Variants in MYRIP observed in about 807,000 individuals in gnomAD.
MYRIP encodes rab effector MyRIP.
A neutral mutation model predicts 98.0 loss-of-function variants in MYRIP; 49 were observed. The observed-to-expected ratio is 0.50, with a 90% CI of 0.40 to 0.63. MYRIP has a LOEUF of 0.63. Among genes scored for constraint, MYRIP ranks in the 30% least tolerant of loss-of-function variants. The pLI, the probability that MYRIP is intolerant of heterozygous loss-of-function variation, is 0.00. For synonymous variants in MYRIP, 404 were observed against 409.5 expected, an observed-to-expected ratio of 0.99 and a Z score of 0.16; for missense variants, 1,004 against 1,058.2, an observed-to-expected ratio of 0.95 and a Z score of 0.71.
chr3:39,981,063 A>G (rs1179019523), intron 2 of MYRIP, among the ~76,000 whole-genome samples: 3 of 152,214 alleles, frequency 2.0e-5, no homozygotes, highest in Admixed American at 2.0e-4. Flanking sequence ...TATATATTTT[A>G]CCACGATTAA....
At chr3:39,903,880 A>G (rs1943809574) in intron 2 of MYRIP, among the ~76,000 whole-genome samples, 1 of 152,202 alleles carries the variant, frequency 6.6e-6, no homozygotes, top group Non-Finnish European at 1.5e-5. Context: ...CCCTCCTTAA[A>G]ATAATTCCTT....
intron 2 of MYRIP, among the ~76,000 whole-genome samples, chr3:39,977,054 T>C (rs1945771473): frequency 8.2e-6 from 1 of 122,414 alleles, no homozygotes; most frequent in Non-Finnish European, 1.6e-5. Context: ...AAAAAAAAAT[T>C]ATTCTGTGTG....
At chr3:39,934,515 A>G (rs774737354) in intron 2 of MYRIP, among the ~76,000 whole-genome samples, 3 of 152,088 alleles carry the variant, frequency 2.0e-5, no homozygotes, top group Admixed American at 6.6e-5. Flanking sequence ...CAGAACAGGC[A>G]AGAGCAACCA....
rs952106696 is a variant in MYRIP, at chr3:40,056,489, G to GT, written c.332+12222dup. Reference sequence around the variant, plus strand: ...ATACCACAGTTTCTCGAGGCTTATGGTTTTCTTTTCTGGATAAACATGGCT... The same window carrying GT: ...ATACCACAGTTTCTCGAGGCTTATGGTTTTTCTTTTCTGGATAAACATGGCT... On this transcript the variant is annotated intron_variant, in intron 3 of 16. Transcript: ENST00000302541. 6.6e-4 allele frequency among the ~76,000 whole-genome samples: 100 copies of GT among 152,232 alleles called. No individual in the cohort carries two copies. In the Middle Eastern group the frequency reaches 0.01, roughly 16 times the overall value.
Position 39,836,651 on chromosome 3 carries a change from G to T in MYRIP, c.-31+26735G>T, listed in dbSNP as rs543868577. On this transcript the variant is annotated intron_variant, in intron 1 of 16. Coordinates refer to ENST00000302541, the MANE Select transcript of MYRIP (RefSeq NM_015460.4). ...CACTGGCACACAGATATTCTGCTTT[G>T]CCAGTCCAGCTGAGGGTCTGAGGCC... is the stretch of plus-strand genomic sequence containing the variant. Among the ~76,000 whole-genome samples, 37 of 152,296 alleles carry T rather than the reference G, an allele frequency of 2.4e-4. 1 individual carries two copies. The highest frequency in any genetic ancestry group is 8.9e-4 in the African/African-American group (37 of 41,568).
intron 13 of MYRIP, among the ~76,000 whole-genome samples, chr3:40,245,913 A>ATTT (rs55637614): frequency 0.026 from 3,014 of 115,550 alleles, 81 homozygotes; most frequent in South Asian, 0.061. Context: ...CACCCAGCTA[A>ATTT]TTTTTTTTTT....
intron 2 of MYRIP, among the ~76,000 whole-genome samples, chr3:40,030,654 G>T (rs1177678601): frequency 6.6e-6 from 1 of 152,156 alleles, no homozygotes; most frequent in Non-Finnish European, 1.5e-5. Context: ...AAAAAGGAAT[G>T]AAATGTTGAT....
intron 1 of MYRIP, among the ~76,000 whole-genome samples, chr3:39,831,341 CT>C (rs1470247806): frequency 6.6e-6 from 1 of 152,166 alleles, no homozygotes; most frequent in Non-Finnish European, 1.5e-5. Flanking sequence ...ACATCTCCCC[CT>C]GGATGTGCAA....
chr3:39,926,030 C>A (rs1027698386), intron 2 of MYRIP, among the ~76,000 whole-genome samples: 1 of 152,044 alleles, frequency 6.6e-6, no homozygotes, highest in Non-Finnish European at 1.5e-5. Context: ...GCCATGCTGA[C>A]TGATGTGAGA....
At chr3:40,253,851 A>G (rs1212585994) in intron 16 of MYRIP, among the ~76,000 whole-genome samples, 7 of 152,178 alleles carry the variant, frequency 4.6e-5, no homozygotes, top group Admixed American at 4.6e-4. Flanking sequence ...ATATCCTCTC[A>G]ACTGTATCTC....
intron 2 of MYRIP, among the ~76,000 whole-genome samples, chr3:39,960,133 T>G (rs1371273732): frequency 6.6e-6 from 1 of 152,040 alleles, no homozygotes. Flanking sequence ...GACTTGTTCC[T>G]CCAGTCCCCA....
chr3:40,190,444 G>A lies in MYRIP; in HGVS notation c.1646G>A (p.Arg549Gln), dbSNP rs139499499. The A allele has an allele frequency of 1.3e-3, 2,081 of 1,597,586 alleles. 2 individuals carry two copies. The highest frequency in any genetic ancestry group is 1.6e-3 in the Non-Finnish European group (1,875 of 1,171,886). Residue 549 changes from arginine (R) to glutamine (Q), a missense_variant, in exon 10 of 17, where the codon CGG becomes CAG. Around this residue, in one of 3 missense-constraint regions of MYRIP, gnomAD observed 880 missense variants for 907.7 expected, o/e 0.97. Coordinates refer to ENST00000302541, the MANE Select transcript of MYRIP (RefSeq NM_015460.4). ...KEPSSPSAQL[R>Q]DLDTHQVSDD... ...CCATCTTCCCCCAGCGCCCAGCTCCGGGATCTAGACACACATCAGGTAATG... is the reference window on the plus strand; with the variant it reads ...CCATCTTCCCCCAGCGCCCAGCTCCAGGATCTAGACACACATCAGGTAATG...
intron 2 of MYRIP, among the ~76,000 whole-genome samples, chr3:40,012,164 C>T (rs569375845): frequency 3.3e-4 from 50 of 152,184 alleles, no homozygotes; most frequent in African/African-American, 1.1e-3. Flanking sequence ...GTTCTTTTTA[C>T]GGTTTATCTC....
Position 40,233,912 on chromosome 3 carries a change from C to T in MYRIP, c.1959C>T (p.Ile653=). 1 of 1,613,572 alleles carries T rather than the reference C, an allele frequency of 6.2e-7. No homozygotes were observed. The highest frequency in any genetic ancestry group is 8.5e-7 in the Non-Finnish European group (1 of 1,179,844). ...CNISTEVLKV[I]NATEELIAGS... is the part of the protein sequence containing the mutation. Reference sequence around the variant, plus strand: ...TCTCCACAGAAGTCCTGAAAGTCATCAATGCCACAGAGGAGTTGATAGCAG... The same window carrying T: ...TCTCCACAGAAGTCCTGAAAGTCATTAATGCCACAGAGGAGTTGATAGCAG... Residue 653 remains isoleucine (I), a synonymous_variant, in exon 12 of 17, where the codon ATC becomes ATT. Coordinates refer to ENST00000302541, the MANE Select transcript of MYRIP (RefSeq NM_015460.4).
At chr3:40,080,075 T>G (rs1290529681) in intron 3 of MYRIP, among the ~76,000 whole-genome samples, 1 of 152,236 alleles carries the variant, frequency 6.6e-6, no homozygotes, top group Non-Finnish European at 1.5e-5. Flanking sequence ...TTAAGGGAAA[T>G]ACTGTTACCA....
chr3:40,032,950 C>G (rs1347316488), intron 2 of MYRIP, among the ~76,000 whole-genome samples: 1 of 151,948 alleles, frequency 6.6e-6, no homozygotes, highest in Non-Finnish European at 1.5e-5. Flanking sequence ...AGCATATAAA[C>G]AGAACCAAAG....
In MYRIP at chr3:40,190,163, G is replaced by A. The variant is rs146724522; in HGVS notation, c.1365G>A (p.Ser455=). ...ACCCTGAGGCCATGTGCTCTGACTC[G>A]GAGACCTCCTCCGCAGGCTCTTCCC... ...SPNPEAMCSD[S]ETSSAGSSRE... is the part of the protein sequence containing the mutation. The change falls in exon 10 of 17, where the codon TCG becomes TCA. Residue 455 remains serine (S), a synonymous_variant. Transcript: ENST00000302541. 6.3e-5 allele frequency: 102 copies of A among 1,613,940 alleles called. No individual in the cohort carries two copies. The highest frequency in any genetic ancestry group is 8.3e-5 in the Non-Finnish European group (98 of 1,180,006).
chr3:39,889,314 T>G (rs1397333448), intron 1 of MYRIP, among the ~76,000 whole-genome samples: 1 of 152,074 alleles, frequency 6.6e-6, no homozygotes, highest in African/African-American at 2.4e-5. Flanking sequence ...ATTAAGAAAA[T>G]GTGGCACATA....
At chr3:40,062,256 T>G (rs1254225176) in intron 3 of MYRIP, among the ~76,000 whole-genome samples, 2 of 152,162 alleles carry the variant, frequency 1.3e-5, no homozygotes, top group Non-Finnish European at 2.9e-5. Flanking sequence ...TTAATCTATC[T>G]TGAGCTGATT....
Sources: allele counts gnomAD v4.1 joint callset (sites outside exome capture counted in the v4.1 genomes callset), GRCh38; gene constraint gnomAD v4.1.1; regional missense constraint gnomAD v4.1.1; transcripts MANE v1.5; gene names NCBI Gene and HGNC (gene_info 2026-07-23, HGNC 2026-07-21).